The following BAHCC1 variants were observed in gnomAD, a reference collection of about 807,000 sequenced individuals.
The protein encoded by BAHCC1 is BAH and coiled-coil domain-containing protein 1.
In BAHCC1, 43 loss-of-function variants were observed where a neutral mutation model predicts 88.2. The ratio of observed to expected loss-of-function variants is 0.49; its 90% CI spans 0.38 to 0.63. The LOEUF (loss-of-function observed/expected upper bound fraction) is 0.63, where lower values mean the gene tolerates loss of function less well. Ranked by LOEUF, BAHCC1 falls within the 20% of genes least tolerant of loss-of-function variation. The pLI is 0.00. For missense variants in BAHCC1, 3,023 were observed against 1,654.8 expected (o/e 1.83, Z -14.34); for synonymous variants, 1,510 against 745.5 (o/e 2.03, Z -16.71).
chr17:81,461,931 C>G lies in BAHCC1; in HGVS notation c.7268C>G (p.Ser2423Cys), dbSNP rs199694188. The G allele has an allele frequency of 9.2e-6, 7 of 759,534 alleles. No homozygotes were observed. Among genetic ancestry groups the G allele is most frequent in the East Asian group, 2.5e-5 (1 of 40,016 alleles). 47.0% of individuals were successfully genotyped at this position (759,534 alleles called of 1,614,324 possible). A position where few individuals can be genotyped will look rare whatever the true frequency, so the allele number is the denominator to read the frequency against. ...KLKRKEALSF[S>C]KAKELSRRQR... Reference sequence around the variant, plus strand: ...AAGCGCAAAGAGGCCCTGAGCTTCTCCAAAGCCAAAGAGCTCTCCCGGAGG... The same window carrying G: ...AAGCGCAAAGAGGCCCTGAGCTTCTGCAAAGCCAAAGAGCTCTCCCGGAGG... Residue 2423 changes from serine (S) to cysteine (C), a missense_variant, in exon 26 of 28, where the codon TCC becomes TGC. Transcript: ENST00000675386.
intron 2 of BAHCC1, among the ~76,000 whole-genome samples, chr17:81,416,189 G>A (rs1268133585): frequency 1.4e-5 from 2 of 145,386 alleles, no homozygotes; most frequent in Non-Finnish European, 3.0e-5. Flanking sequence ...TGTCCATGAG[G>A]GTGGGTGTAT....
chr17:81,403,197 G>A lies in BAHCC1; in HGVS notation c.178+3280G>A, dbSNP rs77630582. Among the ~76,000 whole-genome samples the A allele has an allele frequency of 6.2e-3, 943 of 152,276 alleles. 13 individuals are homozygous for A. The highest frequency in any genetic ancestry group is 0.021 in the African/African-American group (859 of 41,546). On this transcript the variant is annotated intron_variant, in intron 2 of 27. Coordinates refer to ENST00000675386, the MANE Select transcript of BAHCC1 (RefSeq NM_001377448.1). ...GAGAGGCCCACATAGACAGCCCCCC[G>A]TCCTGGCTTCTGGCTGGGCCCGCTC...
intron 2 of BAHCC1, among the ~76,000 whole-genome samples, chr17:81,425,640 T>TG (rs2064179302): frequency 6.0e-5 from 1 of 16,558 alleles, no homozygotes; most frequent in African/African-American, 1.6e-4. Context: ...GGTTGGTGGT[T>TG]ATGTGGTTGG....
rs907637591 is a variant in BAHCC1 at position 81,444,508 on chromosome 17, C to T, written c.2452C>T (p.His818Tyr). ...GGDPAPHTHP[H>Y]PPWLPRTRSP... ...GGACCCAGCCCCCCACACCCACCCC[C>T]ATCCCCCCTGGCTGCCCCGCACCCG... The change falls in exon 7 of 28, where the codon CAT (histidine) becomes TAT (tyrosine). Residue 818 changes from histidine (H) to tyrosine (Y), a missense_variant. His to Tyr is a moderately conservative substitution (Grantham distance 83, BLOSUM62 2). Coordinates refer to ENST00000675386, the MANE Select transcript of BAHCC1 (RefSeq NM_001377448.1). 1.3e-5 allele frequency: 9 copies of T among 700,886 alleles called. No homozygotes were observed. Among genetic ancestry groups the T allele is most frequent in the African/African-American group, 3.5e-5 (2 of 57,170 alleles). 43.4% of individuals were successfully genotyped at this position (700,886 alleles called of 1,614,324 possible). A position where few individuals can be genotyped will look rare whatever the true frequency, so the allele number is the denominator to read the frequency against.
At chr17:81,450,091 G>T (rs1228899409) in intron 11 of BAHCC1, among the ~76,000 whole-genome samples, 2 of 152,308 alleles carry the variant, frequency 1.3e-5, no homozygotes, top group East Asian at 3.9e-4. Context: ...GGAGCGTGGG[G>T]TTCTGAGGCA....
chr17:81,443,485 G>A lies in BAHCC1; in HGVS notation c.2136G>A (p.Gln712=). The A allele has an allele frequency of 4.2e-6, 3 of 716,512 alleles. No individual in the cohort carries two copies. The highest frequency in any genetic ancestry group is 7.7e-6 in the Non-Finnish European group (3 of 387,162). The allele number at this position is 716,512 out of a possible 1,614,324, so 44.4% of individuals were successfully genotyped here. A position where few individuals can be genotyped will look rare whatever the true frequency, so the allele number is the denominator to read the frequency against. The change falls in exon 5 of 28, where the codon CAG becomes CAA. Residue 712 remains glutamine (Q), a synonymous_variant. Transcript: ENST00000675386. ...GCATTGCAGTGGCCTTGGCCCGGCA[G>A]AAGGACACAGTGAGCCGGTCTGAGG... The part of the protein sequence containing the change: ...PVGIAVALAR[Q]KDTVSRSEAA...
chr17:81,438,100 G>A (rs1159700535), intron 3 of BAHCC1, among the ~76,000 whole-genome samples: 1 of 152,232 alleles, frequency 6.6e-6, no homozygotes, highest in African/African-American at 2.4e-5. Context: ...CCTGAGTGCT[G>A]CTAGGAGGGA....
intron 2 of BAHCC1, among the ~76,000 whole-genome samples, chr17:81,413,709 T>C (rs1457934944): frequency 6.6e-6 from 1 of 152,166 alleles, no homozygotes; most frequent in African/African-American, 2.4e-5. Context: ...GGACCACCTG[T>C]GGCTTCCCTG....
At chr17:81,425,640 TATGTGGTTGGTGGTG>T (rs1390946383) in intron 2 of BAHCC1, among the ~76,000 whole-genome samples, 137 of 16,570 alleles carry the variant, frequency 8.3e-3, no homozygotes, top group African/African-American at 0.021. Context: ...GGTTGGTGGT[TATGTGGTTGGTGGTG>T]ATGTGGTTGG....
At chr17:81,417,555 A>ACCGCCCCCCCCCCCCCCCC (rs1555648925) in intron 2 of BAHCC1, among the ~76,000 whole-genome samples, 1 of 131,414 alleles carries the variant, frequency 7.6e-6, no homozygotes, top group Non-Finnish European at 1.6e-5. Flanking sequence ...AGCGTCGGCC[A>ACCGCCCCCCCCCCCCCCCC]CCCCCCCCCC....
In BAHCC1 at chr17:81,443,027, A is replaced by T. The variant is rs1555653103; in HGVS notation, c.1678A>T (p.Ile560Phe). ...LMAAEVEQGG[I>F]GAEAKRKSLE... is the part of the protein sequence containing the mutation. ...GGCCGCCGAGGTGGAGCAGGGGGGC[A>T]TTGGGGCTGAGGCCAAGCGCAAGTC... Residue 560 changes from isoleucine (I) to phenylalanine (F), a missense_variant, in exon 5 of 28, where the codon ATT (isoleucine) becomes TTT (phenylalanine). Transcript: ENST00000675386. The T allele has an allele frequency of 2.6e-6, 2 of 778,426 alleles. No individual in the cohort carries two copies. The highest frequency in any genetic ancestry group is 4.8e-6 in the Non-Finnish European group (2 of 417,706). 48.2% of individuals were successfully genotyped at this position (778,426 alleles called of 1,614,324 possible).
intron 2 of BAHCC1, among the ~76,000 whole-genome samples, chr17:81,420,189 G>T (rs1330176427): frequency 6.6e-6 from 1 of 152,214 alleles, no homozygotes; most frequent in Non-Finnish European, 1.5e-5. Flanking sequence ...CCCAGCATGT[G>T]TTGCCCTTCT....
chr17:81,433,166 GC>G (rs1382279307), intron 3 of BAHCC1, among the ~76,000 whole-genome samples: 1 of 151,786 alleles, frequency 6.6e-6, no homozygotes, highest in Non-Finnish European at 1.5e-5. Flanking sequence ...GCCTCAGGGG[GC>G]CCCAAGGATT....
Position 81,443,494 on chromosome 17 carries a change from A to G in BAHCC1, c.2145A>G (p.Thr715=), listed in dbSNP as rs1555653347. 1.4e-6 allele frequency: 1 copy of G among 708,830 alleles called. No homozygotes were observed. The highest frequency in any genetic ancestry group is 1.5e-5 in the South Asian group (1 of 67,020). 43.9% of individuals were successfully genotyped at this position (708,830 alleles called of 1,614,324 possible). Residue 715 remains threonine, a synonymous_variant, in exon 5 of 28, where the codon ACA becomes ACG. Transcript: ENST00000675386. ...TGGCCTTGGCCCGGCAGAAGGACAC[A>G]GTGAGCCGGTCTGAGGCAGCCTACG... ...IAVALARQKD[T]VSRSEAAYGT...
chr17:81,429,271 C>T (rs1026170292), intron 3 of BAHCC1, among the ~76,000 whole-genome samples: 29 of 152,330 alleles, frequency 1.9e-4, no homozygotes, highest in Middle Eastern at 3.4e-3. Context: ...GGTGTGGGTG[C>T]CCCCCGAGGG....
chr17:81,416,570 CGTGT>C (rs36169187), intron 2 of BAHCC1, among the ~76,000 whole-genome samples: 53 of 133,686 alleles, frequency 4.0e-4, no homozygotes, highest in Non-Finnish European at 6.6e-4. Flanking sequence ...GGTGTATGTG[CGTGT>C]GTGTGTGTCC....
intron 19 of BAHCC1, 29 bp from the exon 20 acceptor site, chr17:81,458,784 C>T (rs369239779): frequency 9.2e-6 from 7 of 758,958 alleles, no homozygotes; most frequent in African/African-American, 5.1e-5. Flanking sequence ...GCCTGCACCC[C>T]ACCCAAGCCT....
chr17:81,458,521 G>A, intron 18 of BAHCC1, 55 bp downstream of exon 18: 1 of 593,480 alleles, frequency 1.7e-6, no homozygotes, highest in South Asian at 1.8e-5. Flanking sequence ...GTGAGGAAAG[G>A]CCTTCCCCGC....
At position 81,447,742 on chromosome 17, in the gene BAHCC1, C is replaced by T. The variant is rs1555654980; in HGVS notation, c.3870C>T (p.Pro1290=). The stretch of plus-strand genomic sequence containing the variant: ...AGCCCCCAGCGGCCTCTGGGCCCCC[C>T]AGCACAGTCCCCCTGCCTCATAGCT... ...DPQPPAASGP[P]STVPLPHSSG... is the part of the protein sequence containing the mutation. Residue 1290 remains proline, a synonymous_variant, in exon 11 of 28, where the codon CCC becomes CCT. Coordinates refer to ENST00000675386, the MANE Select transcript of BAHCC1 (RefSeq NM_001377448.1). 2 of 735,530 alleles carry T rather than the reference C, an allele frequency of 2.7e-6. No individual in the cohort carries two copies. Among genetic ancestry groups the T allele is most frequent in the South Asian group, 1.5e-5 (1 of 68,936 alleles). The allele number at this position is 735,530 out of a possible 1,614,324, so 45.6% of individuals were successfully genotyped here.
Sources: allele counts gnomAD v4.1 joint callset (sites outside exome capture counted in the v4.1 genomes callset), GRCh38; gene constraint gnomAD v4.1.1; transcripts MANE v1.5; gene names NCBI Gene and HGNC (gene_info 2026-07-23, HGNC 2026-07-21).